Variants in PLD5 observed in about 807,000 individuals in gnomAD.
PLD5 encodes inactive phospholipase D5.
Under a neutral mutation model 61.1 loss-of-function variants are expected in PLD5, and 36 were observed. That is an observed-to-expected ratio of 0.59 (90% CI 0.45 to 0.78). PLD5 has a LOEUF of 0.78. Among genes scored for constraint, PLD5 ranks in the 30% least tolerant of loss-of-function variants. The probability of loss-of-function intolerance (pLI) is 0.00; values close to 1 mark genes in which losing one functional copy is unlikely to be tolerated. For synonymous variants in PLD5, 243 were observed against 242.8 expected (o/e 1.00, Z -0.01); for missense variants, 515 against 644.4 (o/e 0.80, Z 2.17).
intron 1 of PLD5, among the ~76,000 whole-genome samples, chr1:242,499,939 C>T (rs1006167818): frequency 6.6e-6 from 1 of 152,164 alleles, no homozygotes; most frequent in African/African-American, 2.4e-5. Context: ...GCTGGAATGA[C>T]CAAACGGGGG....
chr1:242,120,820 G>A (rs533917412), intron 6 of PLD5, among the ~76,000 whole-genome samples: 6 of 152,156 alleles, frequency 3.9e-5, no homozygotes, highest in Admixed American at 6.5e-5. Flanking sequence ...CAATTTCAAT[G>A]GGAAATGCAA....
chr1:242,208,417 G>A (rs1053434782), intron 5 of PLD5, among the ~76,000 whole-genome samples: 6 of 152,138 alleles, frequency 3.9e-5, no homozygotes, highest in African/African-American at 1.2e-4. Flanking sequence ...ATTCCATGAC[G>A]AAGAAACCCA....
chr1:242,098,232 T>C (rs1469526292), intron 9 of PLD5, among the ~76,000 whole-genome samples: 1 of 152,178 alleles, frequency 6.6e-6, no homozygotes, highest in Non-Finnish European at 1.5e-5. Context: ...CACATAGTCC[T>C]GTATTTCTTG....
At chr1:242,154,865 G>A (rs1574408480) in intron 5 of PLD5, among the ~76,000 whole-genome samples, 10 of 152,130 alleles carry the variant, frequency 6.6e-5, no homozygotes, top group Admixed American at 6.6e-4. Flanking sequence ...CTCATAAAAT[G>A]AGTTACGGAG....
chr1:242,107,653 AG>A lies in PLD5; in HGVS notation c.1239+17del, dbSNP rs1661168836. On this transcript the variant is annotated intron_variant, in intron 8 of 9. Coordinates refer to ENST00000536534, the MANE Select transcript of PLD5 (RefSeq NM_001372062.1). ...GCATTCACTTTTTATTTAATAACAC[AG>A]TCAACGTAATACTTACAACTTTCAA... 6.4e-7 allele frequency: 1 copy of A among 1,555,128 alleles called. No homozygotes were observed.
intron 8 of PLD5, among the ~76,000 whole-genome samples, chr1:242,105,199 T>C (rs2148678501): frequency 6.7e-6 from 1 of 149,912 alleles, no homozygotes; most frequent in East Asian, 2.0e-4. Flanking sequence ...ACTGGGGAAA[T>C]GAATTGTTTG....
chr1:242,242,794 G>T (rs1255051382), intron 4 of PLD5, among the ~76,000 whole-genome samples: 1 of 152,158 alleles, frequency 6.6e-6, no homozygotes. Flanking sequence ...GATCTGTGGG[G>T]TTTTTTGGTG....
At chr1:242,396,573 C>A (rs1663582706) in intron 1 of PLD5, among the ~76,000 whole-genome samples, 1 of 152,116 alleles carries the variant, frequency 6.6e-6, no homozygotes, top group Non-Finnish European at 1.5e-5. Flanking sequence ...AGCTCCCAAT[C>A]CTCACCTTAC....
rs772159586 is a variant in PLD5, at chr1:242,165,243, T to G, written c.736-40578A>C. ...CTGTGGTTACCATTATGCAGCCATA[T>G]TTCTAGAACAAGCTACTTTTACCAT... is the stretch of plus-strand genomic sequence containing the variant. On this transcript the variant is annotated intron_variant, in intron 5 of 9. Coordinates refer to ENST00000536534, the MANE Select transcript of PLD5 (RefSeq NM_001372062.1). 4.1e-4 allele frequency among the ~76,000 whole-genome samples: 62 copies of G among 152,274 alleles called. No homozygotes were observed. The Middle Eastern group carries it at 0.01, about 25-fold the overall frequency.
At chr1:242,273,455 G>A (rs183968722) in intron 3 of PLD5, among the ~76,000 whole-genome samples, 26 of 152,232 alleles carry the variant, frequency 1.7e-4, no homozygotes, top group African/African-American at 5.8e-4. Flanking sequence ...CACATATGAA[G>A]GGACCTCTAT....
intron 5 of PLD5, among the ~76,000 whole-genome samples, chr1:242,168,429 GCTTTT>G (rs1337180914): frequency 6.6e-6 from 1 of 152,140 alleles, no homozygotes; most frequent in Non-Finnish European, 1.5e-5. Context: ...GGCAATAAGA[GCTTTT>G]CTTAAGTCCA....
chr1:242,094,970 G>A (rs1057433281), intron 9 of PLD5, among the ~76,000 whole-genome samples: 5 of 149,792 alleles, frequency 3.3e-5, no homozygotes, highest in East Asian at 1.9e-4. Flanking sequence ...ACAGAGTCTC[G>A]CTCTGTTGCC....
At chr1:242,154,328 C>T (rs1297352419) in intron 5 of PLD5, among the ~76,000 whole-genome samples, 1 of 152,032 alleles carries the variant, frequency 6.6e-6, no homozygotes, top group Non-Finnish European at 1.5e-5. Context: ...TATTTGAATA[C>T]CCTTATTTCT....
intron 4 of PLD5, among the ~76,000 whole-genome samples, chr1:242,250,502 T>A (rs11810442): frequency 0.084 from 12,767 of 152,018 alleles, 672 homozygotes; most frequent in East Asian, 0.16. Context: ...GCCATTTGAG[T>A]TCCATATTAT....
intron 1 of PLD5, among the ~76,000 whole-genome samples, chr1:242,505,281 G>GAC (rs1476775271): frequency 6.6e-6 from 1 of 152,186 alleles, no homozygotes; most frequent in East Asian, 1.9e-4. Context: ...TTTTAAAGAG[G>GAC]ACACAGCAAT....
chr1:242,261,877 G>A (rs1398566081), intron 4 of PLD5, among the ~76,000 whole-genome samples: 1 of 152,222 alleles, frequency 6.6e-6, no homozygotes, highest in African/African-American at 2.4e-5. Flanking sequence ...GTGTTTGTGA[G>A]AGTGTGAATT....
At chr1:242,093,512 C>T (rs1558211047) in intron 9 of PLD5, among the ~76,000 whole-genome samples, 1 of 152,070 alleles carries the variant, frequency 6.6e-6, no homozygotes, top group African/African-American at 2.4e-5. Context: ...CAAACGCCAT[C>T]GTATTGATGA....
At chr1:242,114,504 G>C (rs1433156809) in intron 6 of PLD5, among the ~76,000 whole-genome samples, 2 of 152,120 alleles carry the variant, frequency 1.3e-5, no homozygotes, top group Admixed American at 6.5e-5. Flanking sequence ...CGGTCCTATA[G>C]AACAAGGGTC....
Position 242,145,561 on chromosome 1 carries a change from G to A in PLD5, c.736-20896C>T, listed in dbSNP as rs76331210. On this transcript the variant is annotated intron_variant, in intron 5 of 9. Transcript: ENST00000536534. ...AGAACTAATGAAAAGGATAGGAGAT[G>A]AATGCAAAGATTCAGTGTCATAGAT... Among the ~76,000 whole-genome samples, 1,215 of 152,208 alleles carry A rather than the reference G, an allele frequency of 8.0e-3. 20 individuals carry two copies. The highest frequency in any genetic ancestry group is 0.027 in the African/African-American group (1,123 of 41,522).
Sources: allele counts gnomAD v4.1 joint callset (sites outside exome capture counted in the v4.1 genomes callset), GRCh38; gene constraint gnomAD v4.1.1; transcripts MANE v1.5; gene names NCBI Gene and HGNC (gene_info 2026-07-23, HGNC 2026-07-21).